DGKB: variants seen among roughly 807,000 people sequenced by gnomAD.
The protein encoded by DGKB is 90 kDa diacylglycerol kinase.
Under a neutral mutation model 114.3 loss-of-function variants are expected in DGKB, and 67 were observed. That is an observed-to-expected ratio of 0.59 (90% CI 0.48 to 0.72). The LOEUF (loss-of-function observed/expected upper bound fraction) is 0.72. Ranked by LOEUF, DGKB falls within the 30% of genes least tolerant of loss-of-function variation. The pLI is 0.00. For missense variants in DGKB, 907 were observed against 975.2 expected (o/e 0.93, Z 0.93); for synonymous variants, 398 against 323.1 (o/e 1.23, Z -2.49).
intron 20 of DGKB, among the ~76,000 whole-genome samples, chr7:14,555,911 T>G (rs1361293654): frequency 6.6e-6 from 1 of 152,172 alleles, no homozygotes; most frequent in Non-Finnish European, 1.5e-5. Context: ...TAGTTTAGCA[T>G]ACAATAACAA....
Position 14,473,947 on chromosome 7 carries a change from C to T in DGKB, c.1835+4214G>A, listed in dbSNP as rs991733892. 2.6e-5 allele frequency among the ~76,000 whole-genome samples: 4 copies of T among 152,172 alleles called. No individual in the cohort carries two copies. The East Asian group carries it at 5.8e-4, about 22-fold the overall frequency. On this transcript the variant is annotated intron_variant, in intron 21 of 25. Coordinates refer to ENST00000402815, the MANE Select transcript of DGKB (RefSeq NM_001350709.2). ...TAACTTGCTTTTGATTTTGTAGGCT[C>T]ATAGGCAAAAGGGACTTGCCTTGTC...
intron 23 of DGKB, among the ~76,000 whole-genome samples, chr7:14,239,761 G>A (rs867866214): frequency 2.0e-4 from 30 of 151,856 alleles, no homozygotes; most frequent in African/African-American, 7.3e-4. Flanking sequence ...AAGCCTAAGT[G>A]GTAAAATAAG....
chr7:14,970,866 G>C (rs1271885548), intron 1 of DGKB, among the ~76,000 whole-genome samples: 1 of 152,128 alleles, frequency 6.6e-6, no homozygotes, highest in Non-Finnish European at 1.5e-5. Context: ...CGGCAGGCTG[G>C]AGTGCAGATG....
chr7:14,576,714 G>A (rs1465187029), intron 19 of DGKB, among the ~76,000 whole-genome samples: 1 of 152,064 alleles, frequency 6.6e-6, no homozygotes, highest in East Asian at 1.9e-4. Flanking sequence ...CAACCTAACC[G>A]GGAGAGAACA....
intron 25 of DGKB, among the ~76,000 whole-genome samples, chr7:14,175,427 C>G (rs1033596544): frequency 1.3e-5 from 2 of 152,162 alleles, no homozygotes; most frequent in East Asian, 1.9e-4. Context: ...AGCCCTTTCT[C>G]TCCTCCACCT....
chr7:14,813,759 T>C (rs995454226), intron 2 of DGKB, among the ~76,000 whole-genome samples: 16 of 152,184 alleles, frequency 1.1e-4, no homozygotes, highest in Non-Finnish European at 1.8e-4. Context: ...ATTGAATCTT[T>C]TACTCTAGTG....
Position 14,858,149 on chromosome 7 carries a change from A to T in DGKB, c.-187-16699T>A, listed in dbSNP as rs142415546. Among the ~76,000 whole-genome samples the T allele has an allele frequency of 8.5e-3, 1,289 of 152,304 alleles. 15 individuals carry two copies. The highest frequency in any genetic ancestry group is 0.03 in the African/African-American group (1,238 of 41,574). ...AAATTGTTTTCCAATATTAACAATC[A>T]GCAGTTTAAAAACATACCCTGGAAC... On this transcript the variant is annotated intron_variant, in intron 1 of 25. Coordinates refer to ENST00000402815, the MANE Select transcript of DGKB (RefSeq NM_001350709.2).
chr7:14,342,435 T>C (rs1811757614), intron 22 of DGKB, among the ~76,000 whole-genome samples: 1 of 151,910 alleles, frequency 6.6e-6, no homozygotes, highest in African/African-American at 2.4e-5. Context: ...TACTTTAATA[T>C]AAACATTGGT....
At chr7:14,444,311 GCATT>G (rs1830454764) in intron 21 of DGKB, among the ~76,000 whole-genome samples, 2 of 151,738 alleles carry the variant, frequency 1.3e-5, no homozygotes, top group African/African-American at 2.4e-5. Context: ...GTACCTACAT[GCATT>G]ATTTTATCTT....
intron 2 of DGKB, among the ~76,000 whole-genome samples, chr7:14,774,534 A>T (rs1001508919): frequency 6.6e-6 from 1 of 152,196 alleles, no homozygotes; most frequent in Admixed American, 6.5e-5. Context: ...TGTTGCTATG[A>T]ATGAGGGTAT....
At chr7:14,410,467 A>G (rs1020562862) in intron 21 of DGKB, among the ~76,000 whole-genome samples, 1 of 152,090 alleles carries the variant, frequency 6.6e-6, no homozygotes, top group Admixed American at 6.6e-5. Flanking sequence ...TTTTATCTGC[A>G]TTCACTTATA....
intron 13 of DGKB, among the ~76,000 whole-genome samples, chr7:14,647,916 A>T (rs4342477): frequency 3.9e-5 from 6 of 152,046 alleles, no homozygotes; most frequent in South Asian, 2.1e-4. Flanking sequence ...CACTCCCACC[A>T]GAATACTGTG....
intron 1 of DGKB, among the ~76,000 whole-genome samples, chr7:14,939,090 ATTTCTC>A (rs1562889775): frequency 6.6e-6 from 1 of 151,904 alleles, no homozygotes; most frequent in African/African-American, 2.4e-5. Context: ...TGTTTTTTCT[ATTTCTC>A]TTTATCTTTA....
chr7:14,379,891 C>T (rs13226724), intron 21 of DGKB, among the ~76,000 whole-genome samples: 10 of 27,656 alleles, frequency 3.6e-4, no homozygotes, highest in South Asian at 1.0e-3. Flanking sequence ...TAATTCCTCT[C>T]CCAAAGTGTT....
chr7:14,387,889 T>C (rs1216003335), intron 21 of DGKB, among the ~76,000 whole-genome samples: 2 of 150,850 alleles, frequency 1.3e-5, no homozygotes, highest in Non-Finnish European at 1.5e-5. Flanking sequence ...TTCTTTTTTT[T>C]TTTTTTTTTT....
intron 20 of DGKB, among the ~76,000 whole-genome samples, chr7:14,511,611 C>T (rs1340696315): frequency 6.6e-6 from 1 of 152,166 alleles, no homozygotes; most frequent in Non-Finnish European, 1.5e-5. Context: ...CCTTTTAATT[C>T]CTTTCAAGAA....
intron 1 of DGKB, among the ~76,000 whole-genome samples, chr7:14,964,764 G>C (rs1347880028): frequency 6.6e-6 from 1 of 152,110 alleles, no homozygotes; most frequent in Non-Finnish European, 1.5e-5. Flanking sequence ...GTCATTAAAT[G>C]AGATAAGATG....
chr7:14,955,429 T>C (rs1031323538), intron 1 of DGKB, among the ~76,000 whole-genome samples: 1 of 152,038 alleles, frequency 6.6e-6, no homozygotes, highest in African/African-American at 2.4e-5. Flanking sequence ...ACTATACGCT[T>C]TCCTTTAAGC....
chr7:14,889,776 A>G (rs139321695), intron 1 of DGKB, among the ~76,000 whole-genome samples: 13 of 151,728 alleles, frequency 8.6e-5, no homozygotes, highest in South Asian at 8.3e-4. Flanking sequence ...ACAAAAACAA[A>G]AAGTATGGAA....
Sources: gnomAD v4.1 joint callset for allele counts (sites outside exome capture counted in the v4.1 genomes callset) on GRCh38, gnomAD v4.1.1 for gene constraint, MANE v1.5 for transcripts, NCBI Gene and HGNC (gene_info 2026-07-23, HGNC 2026-07-21) for gene names.